Variants in RAB15 observed in about 807,000 individuals in gnomAD.
RAB15 encodes the protein RAB15, member RAS oncogene family.
Under a neutral mutation model 31.8 loss-of-function variants are expected in RAB15, and 13 were observed. The observed-to-expected ratio is 0.41, with a 90% CI of 0.27 to 0.65. The LOEUF (loss-of-function observed/expected upper bound fraction) is 0.65. Among genes scored for constraint, RAB15 ranks in the 30% least tolerant of loss-of-function variants. RAB15 has a pLI of 0.32. For missense variants in RAB15, 220 were observed against 277.3 expected (o/e 0.79, Z 1.47); for synonymous variants, 100 against 105.6 (o/e 0.95, Z 0.33).
intron 1 of RAB15, among the ~76,000 whole-genome samples, chr14:64,967,420 CTACAAAACG>C (rs1362047225): frequency 6.6e-6 from 1 of 152,068 alleles, no homozygotes; most frequent in Admixed American, 6.6e-5. Flanking sequence ...AACCCCATCT[CTACAAAACG>C]TACAAACATT....
At position 64,946,767 on chromosome 14, in the gene RAB15, G is replaced by T. The variant is rs1387574992; in HGVS notation, c.*1587C>A. ...TCTTTGTTTTGGCTGCAGCCACGCAGTGCAGCTAATGTGTGGCTTAAGAAT... is the reference window on the plus strand; with the variant it reads ...TCTTTGTTTTGGCTGCAGCCACGCATTGCAGCTAATGTGTGGCTTAAGAAT... On this transcript the variant is annotated 3_prime_UTR_variant, in exon 7 of 7. Transcript: ENST00000533601. 6 of 152,590 alleles carry T rather than the reference G, an allele frequency of 3.9e-5. No individual in the cohort carries two copies. In the East Asian group the frequency reaches 1.2e-3, roughly 29 times the overall value. 9.5% of individuals were successfully genotyped at this position (152,590 alleles called of 1,614,324 possible).
Position 64,947,961 on chromosome 14 carries a change from AAG to A in RAB15, c.*391_*392del, listed in dbSNP as rs1269572098. 1 of 179,084 alleles carries A rather than the reference AAG, an allele frequency of 5.6e-6. No homozygotes were observed. Among genetic ancestry groups the A allele is most frequent in the African/African-American group, 2.3e-5 (1 of 42,554 alleles). 11.1% of individuals were successfully genotyped at this position (179,084 alleles called of 1,614,324 possible). ...CGCACCGGAGGGGAGGGGTCAGAGAAAGAGAAGTGGGGGAAGAGAGAAAAAGC... is the reference window on the plus strand; with the variant it reads ...CGCACCGGAGGGGAGGGGTCAGAGAAAGAAGTGGGGGAAGAGAGAAAAAGC... On this transcript the variant is annotated 3_prime_UTR_variant, in exon 7 of 7. Transcript: ENST00000533601. This position sits in a 1 kb window ranked among gnomAD's most constrained non-coding sequence, Gnocchi z 5.6.
At chr14:64,959,393 TC>T (rs1886738102) in intron 1 of RAB15, among the ~76,000 whole-genome samples, 1 of 152,180 alleles carries the variant, frequency 6.6e-6, no homozygotes, top group South Asian at 2.1e-4. Flanking sequence ...CGCTCCCTGC[TC>T]CTTACTGCCC....
In RAB15 at chr14:64,965,605, C is replaced by A. The variant is rs75125012; in HGVS notation, c.124+6348G>T. On this transcript the variant is annotated intron_variant, in intron 1 of 6. Coordinates refer to ENST00000533601, the MANE Select transcript of RAB15 (RefSeq NM_001308154.2). The stretch of plus-strand genomic sequence containing the variant: ...GCCAAGGAGAGGGCAGAGGCCTATA[C>A]AGAAAACTGGCAGTTTCACAGGGAA... Among the ~76,000 whole-genome samples, 27 of 152,260 alleles carry A rather than the reference C, an allele frequency of 1.8e-4. No homozygotes were observed. In the East Asian group the frequency reaches 5.2e-3, roughly 29 times the overall value.
chr14:64,964,529 AAG>A lies in RAB15; in HGVS notation c.124+7422_124+7423del, dbSNP rs1330413544. On this transcript the variant is annotated intron_variant, in intron 1 of 6. Coordinates refer to ENST00000533601, the MANE Select transcript of RAB15 (RefSeq NM_001308154.2). ...GCAAGACTCTGTTTCAAAAAAAAAAAAGAAAAAAAGAAAAAAGAAAGAAAAGA... is the reference window on the plus strand; with the variant it reads ...GCAAGACTCTGTTTCAAAAAAAAAAAAAAAAAAGAAAAAAGAAAGAAAAGA... Among the ~76,000 whole-genome samples, 213 of 145,942 alleles carry A rather than the reference AAG, an allele frequency of 1.5e-3. 7 individuals are homozygous for A. Among genetic ancestry groups the A allele is most frequent in the Non-Finnish European group, 2.3e-3 (153 of 66,970 alleles).
At chr14:64,956,253 C>T (rs1216943556) in intron 1 of RAB15, among the ~76,000 whole-genome samples, 1 of 151,726 alleles carries the variant, frequency 6.6e-6, no homozygotes, top group African/African-American at 2.4e-5. Context: ...AAAATACAAA[C>T]GTTAGCTAGT....
intron 1 of RAB15, among the ~76,000 whole-genome samples, chr14:64,965,688 G>A (rs981572548): frequency 1.3e-5 from 2 of 152,266 alleles, no homozygotes; most frequent in Admixed American, 1.3e-4. Flanking sequence ...GGCAATCAGG[G>A]TAGAAGGATA....
Position 64,954,672 on chromosome 14 carries a change from A to G in RAB15, c.125-2101T>C, listed in dbSNP as rs561742298. ...AGGAAACAAGGGCTCAGAGAGGTCA[A>G]TGGCTAGCCAGGGTCAGCACAGCAC... is the stretch of plus-strand genomic sequence containing the variant. On this transcript the variant is annotated intron_variant, in intron 1 of 6. Transcript: ENST00000533601. The surrounding 1 kb of genome is among the most constrained non-coding windows in gnomAD (Gnocchi z 4.3). 445 of 300,858 alleles carry G rather than the reference A, an allele frequency of 1.5e-3. 7 individuals are homozygous for G. Among genetic ancestry groups the G allele is most frequent in the Non-Finnish European group, 1.5e-3 (303 of 203,942 alleles). 18.6% of individuals were successfully genotyped at this position (300,858 alleles called of 1,614,324 possible).
At position 64,948,653 on chromosome 14, in the gene RAB15, C is replaced by T. The variant is rs1437797409; in HGVS notation, c.480+15G>A. On this transcript the variant is annotated intron_variant, in intron 6 of 6. Coordinates refer to ENST00000533601, the MANE Select transcript of RAB15 (RefSeq NM_001308154.2). This position sits in a 1 kb window ranked among gnomAD's most constrained non-coding sequence, Gnocchi z 7.0. ...CAGCCCGAGAGAGCGGGCGCCTGGT[C>T]ACCAGGGCTCTCACCTCTTTAATGT... 1.2e-6 allele frequency: 2 copies of T among 1,614,056 alleles called. No homozygotes were observed. The highest frequency in any genetic ancestry group is 1.7e-6 in the Non-Finnish European group (2 of 1,179,966).
At chr14:64,967,255 T>C (rs1391268350) in intron 1 of RAB15, among the ~76,000 whole-genome samples, 1 of 152,078 alleles carries the variant, frequency 6.6e-6, no homozygotes, top group African/African-American at 2.4e-5. Context: ...AGGGACTAGG[T>C]GACAGGTCTA....
At chr14:64,956,632 T>C (rs531062028) in intron 1 of RAB15, among the ~76,000 whole-genome samples, 1 of 152,212 alleles carries the variant, frequency 6.6e-6, no homozygotes, top group South Asian at 2.1e-4. Flanking sequence ...GCACAAGAGT[T>C]CTCTGTTTCT....
intron 1 of RAB15, among the ~76,000 whole-genome samples, chr14:64,967,339 A>G (rs1309764325): frequency 6.6e-6 from 1 of 152,196 alleles, no homozygotes; most frequent in Non-Finnish European, 1.5e-5. Context: ...CTATAATCCC[A>G]GCATTTTGGA....
Position 64,948,533 on chromosome 14 carries a change from GT to G in RAB15, c.481-22del, listed in dbSNP as rs1886045763. 5 of 1,602,598 alleles carry G rather than the reference GT, an allele frequency of 3.1e-6. No homozygotes were observed. Among genetic ancestry groups the G allele is most frequent in the Non-Finnish European group, 3.4e-6 (4 of 1,173,836 alleles). On this transcript the variant is annotated intron_variant, in intron 6 of 6. Coordinates refer to ENST00000533601, the MANE Select transcript of RAB15 (RefSeq NM_001308154.2). This position sits in a 1 kb window ranked among gnomAD's most constrained non-coding sequence, Gnocchi z 7.0. ...AATGACTGGAAACCAAAGGGCACAG[GT>G]TAGTCCAGTGTCTCCTCCTCTCCCC...
rs777190040 is a variant in RAB15 at position 64,948,069 on chromosome 14, G to A, written c.*285C>T. On this transcript the variant is annotated 3_prime_UTR_variant, in exon 7 of 7. Coordinates refer to ENST00000533601, the MANE Select transcript of RAB15 (RefSeq NM_001308154.2). This position sits in a 1 kb window ranked among gnomAD's most constrained non-coding sequence, Gnocchi z 7.0. Reference sequence around the variant, plus strand: ...GCCCTGGCTGTTGTCTGGTGGGTGCGGGATGGTGAGACAGTGCTTGCGGCA... The same window carrying A: ...GCCCTGGCTGTTGTCTGGTGGGTGCAGGATGGTGAGACAGTGCTTGCGGCA... 4.8e-5 allele frequency: 18 copies of A among 374,832 alleles called. No individual in the cohort carries two copies. The East Asian group carries it at 6.4e-4, about 13-fold the overall frequency. 23.2% of individuals were successfully genotyped at this position (374,832 alleles called of 1,614,324 possible). A position where few individuals can be genotyped will look rare whatever the true frequency, so the allele number is the denominator to read the frequency against.
chr14:64,946,133 C>A lies in RAB15; in HGVS notation c.*2221G>T, dbSNP rs1885910619. 1.3e-5 allele frequency: 2 copies of A among 152,512 alleles called. No individual in the cohort carries two copies. Among genetic ancestry groups the A allele is most frequent in the Non-Finnish European group, 2.9e-5 (2 of 68,100 alleles). The allele number at this position is 152,512 out of a possible 1,614,324, so 9.4% of individuals were successfully genotyped here. ...TTCTCCTTCTGCTCCCATACCTTTT[C>A]CCAGTCATGGCCCTTGTGGATAGGG... On this transcript the variant is annotated 3_prime_UTR_variant, in exon 7 of 7. Transcript: ENST00000533601.
Position 64,946,384 on chromosome 14 carries a change from C to T in RAB15, c.*1970G>A, listed in dbSNP as rs1885921749. 2 of 152,330 alleles carry T rather than the reference C, an allele frequency of 1.3e-5. No individual in the cohort carries two copies. The highest frequency in any genetic ancestry group is 1.3e-4 in the Admixed American group (2 of 15,302). The allele number at this position is 152,330 out of a possible 1,614,324, so 9.4% of individuals were successfully genotyped here. A position where few individuals can be genotyped will look rare whatever the true frequency, so the allele number is the denominator to read the frequency against. The stretch of plus-strand genomic sequence containing the variant: ...AGACAGACTTGAGGGCTGGCATCAC[C>T]TACTTCCCTAGCCCCAGTGTGATGT... On this transcript the variant is annotated 3_prime_UTR_variant, in exon 7 of 7. Coordinates refer to ENST00000533601, the MANE Select transcript of RAB15 (RefSeq NM_001308154.2).
rs1469222549 is a variant in RAB15 at position 64,962,756 on chromosome 14, A to G, written c.124+9197T>C. Among the ~76,000 whole-genome samples the G allele has an allele frequency of 1.3e-5, 2 of 152,146 alleles. No individual in the cohort carries two copies. Among genetic ancestry groups the G allele is most frequent in the Non-Finnish European group, 2.9e-5 (2 of 68,022 alleles). ...CAACAGTACTCTCTCCTTTGTTACA[A>G]AAGGGGAACTGCAGCAAGACCCCTC... is the stretch of plus-strand genomic sequence containing the variant. On this transcript the variant is annotated intron_variant, in intron 1 of 6. Coordinates refer to ENST00000533601, the MANE Select transcript of RAB15 (RefSeq NM_001308154.2). The surrounding 1 kb of genome is among the most constrained non-coding windows in gnomAD (Gnocchi z 4.2).
In RAB15 at chr14:64,953,556, C is replaced by T. The variant is rs1192256037; in HGVS notation, c.125-985G>A. ...AAGGGCTGGAGGAGCTAAGCTGCCA[C>T]GAGACACAAGAAACCGAAGGGATTT... On this transcript the variant is annotated intron_variant, in intron 1 of 6. Transcript: ENST00000533601. The surrounding 1 kb of genome is among the most constrained non-coding windows in gnomAD (Gnocchi z 4.6). Among the ~76,000 whole-genome samples, 7 of 152,178 alleles carry T rather than the reference C, an allele frequency of 4.6e-5. No homozygotes were observed. The highest frequency in any genetic ancestry group is 1.3e-4 in the Admixed American group (2 of 15,286).
At chr14:64,965,673 G>T (rs950201251) in intron 1 of RAB15, among the ~76,000 whole-genome samples, 1 of 152,146 alleles carries the variant, frequency 6.6e-6, no homozygotes, top group Non-Finnish European at 1.5e-5. Flanking sequence ...ACTCTGAGAA[G>T]AGCTGGCAAT....
Sources: allele counts gnomAD v4.1 joint callset (sites outside exome capture counted in the v4.1 genomes callset), GRCh38; gene constraint gnomAD v4.1.1; non-coding constraint Gnocchi (gnomAD v3.1); transcripts MANE v1.5; gene names NCBI Gene and HGNC (gene_info 2026-07-23, HGNC 2026-07-21).